The following PDE8B variants were observed in gnomAD, a reference collection of about 807,000 sequenced individuals.
PDE8B encodes high affinity cAMP-specific and IBMX-insensitive 3',5'-cyclic phosphodiesterase 8B.
Under a neutral mutation model 101.3 loss-of-function variants are expected in PDE8B, and 26 were observed. That is an observed-to-expected ratio of 0.26 (90% CI 0.19 to 0.36). PDE8B has a LOEUF of 0.36. Ranked by LOEUF, PDE8B falls within the 10% of genes least tolerant of loss-of-function variation. The probability of loss-of-function intolerance (pLI) is 1.00; values close to 1 mark genes in which losing one functional copy is unlikely to be tolerated. For missense variants in PDE8B, 810 were observed against 1,163.1 expected (o/e 0.70, Z 4.42); for synonymous variants, 424 against 429.3 (o/e 0.99, Z 0.15).
chr5:77,336,845 C>G, intron 5 of PDE8B, among the ~76,000 whole-genome samples: 1 of 152,158 alleles, frequency 6.6e-6, no homozygotes, highest in East Asian at 1.9e-4. Flanking sequence ...CTCTCCCTTC[C>G]AAAGAGATCA....
intron 1 of PDE8B, among the ~76,000 whole-genome samples, chr5:77,259,965 C>T (rs1308342963): frequency 1.3e-5 from 2 of 151,952 alleles, no homozygotes; most frequent in Admixed American, 1.3e-4. Flanking sequence ...AGATCGAGAC[C>T]AGCCTGGCCA....
At chr5:77,215,931 A>G (rs1749589395) in intron 1 of PDE8B, among the ~76,000 whole-genome samples, 1 of 152,176 alleles carries the variant, frequency 6.6e-6, no homozygotes, top group Non-Finnish European at 1.5e-5. Flanking sequence ...AACCAGGTTG[A>G]GACTTCTGAT....
At chr5:77,296,257 T>C (rs1768539078) in intron 1 of PDE8B, among the ~76,000 whole-genome samples, 1 of 151,446 alleles carries the variant, frequency 6.6e-6, no homozygotes, top group Non-Finnish European at 1.5e-5. Context: ...TCTCTCCTTC[T>C]CCTTCTTCTT....
At chr5:77,240,448 C>T (rs988517015) in intron 1 of PDE8B, among the ~76,000 whole-genome samples, 1 of 152,212 alleles carries the variant, frequency 6.6e-6, no homozygotes, top group Non-Finnish European at 1.5e-5. Context: ...CCACCGCGCC[C>T]GGCCAAGGGC....
chr5:77,318,066 A>C (rs552085331), intron 2 of PDE8B, among the ~76,000 whole-genome samples: 2 of 150,928 alleles, frequency 1.3e-5, no homozygotes, highest in African/African-American at 2.4e-5. Context: ...AAAAAAAAAA[A>C]AAAAAAAAAA....
Position 77,298,366 on chromosome 5 carries a change from GT to G in PDE8B, c.340-13626del, listed in dbSNP as rs1183420462. On this transcript the variant is annotated intron_variant, in intron 1 of 21. Coordinates refer to ENST00000264917, the MANE Select transcript of PDE8B (RefSeq NM_003719.5). ...CCTCTGTTACCCTAAGTTTCTTCCT[GT>G]TCTTGAAATTGTGACGGTTTGGAAA... Among the ~76,000 whole-genome samples the G allele has an allele frequency of 1.6e-4, 24 of 152,284 alleles. No homozygotes were observed. The East Asian group carries it at 4.2e-3, about 27-fold the overall frequency.
chr5:77,163,617 A>C, the PDE8B span, among the ~76,000 whole-genome samples: 3 of 152,168 alleles, frequency 2.0e-5, no homozygotes, highest in Non-Finnish European at 4.4e-5. Flanking sequence ...TATAATAAGG[A>C]GTTTCTTTTC....
chr5:77,313,607 A>G (rs989857034), intron 2 of PDE8B, among the ~76,000 whole-genome samples: 1 of 152,234 alleles, frequency 6.6e-6, no homozygotes, highest in Admixed American at 6.5e-5. Flanking sequence ...ATTAATGCTC[A>G]TAAGGATGTC....
At chr5:77,187,499 C>T in the PDE8B span, among the ~76,000 whole-genome samples, 4 of 152,106 alleles carry the variant, frequency 2.6e-5, no homozygotes, top group East Asian at 1.9e-4. Flanking sequence ...AAGCAGTGAG[C>T]GGCCAGTGGG....
the PDE8B span, among the ~76,000 whole-genome samples, chr5:77,181,372 G>A: frequency 2.0e-5 from 3 of 152,296 alleles, no homozygotes; most frequent in Middle Eastern, 6.8e-3. Context: ...ACTTGGGGGC[G>A]TTCCGCTAGG....
At chr5:77,304,069 C>T (rs1227139574) in intron 1 of PDE8B, among the ~76,000 whole-genome samples, 1 of 152,180 alleles carries the variant, frequency 6.6e-6, no homozygotes, top group Non-Finnish European at 1.5e-5. Flanking sequence ...GCTGAATTGT[C>T]AGATATATAC....
intron 1 of PDE8B, among the ~76,000 whole-genome samples, chr5:77,251,228 C>G (rs1427494262): frequency 6.6e-6 from 1 of 152,216 alleles, no homozygotes; most frequent in African/African-American, 2.4e-5. Context: ...AGTGGCAATT[C>G]TGAGGATGAT....
chr5:77,211,003 C>A lies in PDE8B; in HGVS notation c.78C>A (p.Pro26=), dbSNP rs888380498. The A allele has an allele frequency of 3.9e-6, 6 of 1,549,030 alleles. 1 individual carries two copies. In the Admixed American group the frequency reaches 1.1e-4, roughly 28 times the overall value. ...GGGACTCGGACGAGTCCAGCTCGCC[C>A]CGCCAGACCACCAGCGTGTCGCAGG... ...YCRDSDESSS[P]RQTTSVSQGP... Residue 26 remains proline, a synonymous_variant, in exon 1 of 22, where the codon CCC becomes CCA. Transcript: ENST00000264917. The surrounding 1 kb of genome is among the most constrained non-coding windows in gnomAD (Gnocchi z 4.1).
intron 1 of PDE8B, among the ~76,000 whole-genome samples, chr5:77,268,708 A>G (rs1762209373): frequency 6.6e-6 from 1 of 151,928 alleles, no homozygotes; most frequent in East Asian, 1.9e-4. Context: ...CTTTTTACAG[A>G]TGAATAGTAC....
At chr5:77,213,055 C>G (rs1020821040) in intron 1 of PDE8B, among the ~76,000 whole-genome samples, 4 of 152,228 alleles carry the variant, frequency 2.6e-5, no homozygotes, top group African/African-American at 7.2e-5. Context: ...TGAATGAACC[C>G]ATTCTGTACA....
intron 1 of PDE8B, among the ~76,000 whole-genome samples, chr5:77,279,265 C>T (rs1394220068): frequency 6.6e-6 from 1 of 152,184 alleles, no homozygotes; most frequent in African/African-American, 2.4e-5. Context: ...ATTACATTTA[C>T]AGAACATGGG....
intron 1 of PDE8B, among the ~76,000 whole-genome samples, chr5:77,282,051 C>T (rs1373792604): frequency 6.6e-6 from 1 of 152,128 alleles, no homozygotes; most frequent in African/African-American, 2.4e-5. Context: ...CCAAGAGGTA[C>T]TGTGGCCTGG....
intron 8 of PDE8B, 149 bp from the exon 9 acceptor site, chr5:77,350,916 A>C (rs1780986488): frequency 1.4e-6 from 1 of 716,784 alleles, no homozygotes; most frequent in Non-Finnish European, 2.6e-6. Flanking sequence ...TGGCCACATC[A>C]GCATTGCACT....
At chr5:77,262,379 G>A (rs1760805866) in intron 1 of PDE8B, among the ~76,000 whole-genome samples, 1 of 152,168 alleles carries the variant, frequency 6.6e-6, no homozygotes, top group South Asian at 2.1e-4. Flanking sequence ...AGCATAATCA[G>A]TATTGTTTTT....
Sources: gnomAD v4.1 joint callset for allele counts (sites outside exome capture counted in the v4.1 genomes callset) on GRCh38, gnomAD v4.1.1 for gene constraint, Gnocchi (gnomAD v3.1) non-coding constraint, MANE v1.5 for transcripts, NCBI Gene and HGNC (gene_info 2026-07-23, HGNC 2026-07-21) for gene names.